Variants in SYNE1 observed in about 807,000 individuals in gnomAD.
SYNE1 encodes nesprin-1.
A neutral mutation model predicts 1,111.0 loss-of-function variants in SYNE1; 616 were observed. That is an observed-to-expected ratio of 0.55 (90% CI 0.52 to 0.59). The LOEUF is 0.59. Ranked by LOEUF, SYNE1 falls within the 20% of genes least tolerant of loss-of-function variation. SYNE1 has a pLI of 0.00. For synonymous variants in SYNE1, 3,855 were observed against 3,825.8 expected, an observed-to-expected ratio of 1.01 and a Z score of -0.28; for missense variants, 10,006 against 10,417.0, an observed-to-expected ratio of 0.96 and a Z score of 1.72.
intron 3 of SYNE1, among the ~76,000 whole-genome samples, chr6:152,610,333 G>A (rs1002571998): frequency 6.6e-6 from 1 of 152,146 alleles, no homozygotes. Context: ...CATGGCATGA[G>A]AACTTCGAGA....
At chr6:152,608,387 A>G (rs2099622102) in intron 3 of SYNE1, among the ~76,000 whole-genome samples, 1 of 152,202 alleles carries the variant, frequency 6.6e-6, no homozygotes, top group Non-Finnish European at 1.5e-5. Context: ...CTCTAATTAC[A>G]GGTAAATGTA....
chr6:152,493,103 A>C (rs368644496), intron 11 of SYNE1, among the ~76,000 whole-genome samples: 3 of 152,098 alleles, frequency 2.0e-5, no homozygotes, highest in East Asian at 3.9e-4. Context: ...TGAACCCACA[A>C]GTATGAGACA....
intron 11 of SYNE1, among the ~76,000 whole-genome samples, chr6:152,495,217 T>C (rs1158604413): frequency 3.9e-5 from 6 of 152,164 alleles, no homozygotes; most frequent in African/African-American, 1.2e-4. Context: ...GCAGATTGAC[T>C]TTACCCACAT....
chr6:152,243,236 T>C (rs563566492), intron 106 of SYNE1, among the ~76,000 whole-genome samples: 5 of 152,312 alleles, frequency 3.3e-5, no homozygotes, highest in African/African-American at 9.6e-5. Flanking sequence ...TCAGAGCAAT[T>C]GAATATAATA....
At chr6:152,312,132 T>C (rs1026406785) in intron 87 of SYNE1, among the ~76,000 whole-genome samples, 5 of 152,004 alleles carry the variant, frequency 3.3e-5, no homozygotes, top group African/African-American at 1.2e-4. Context: ...ACAATAAATG[T>C]TTATAAATAT....
rs1209337104 is a variant in SYNE1, at chr6:152,321,366, G to A, written c.16108C>T (p.His5370Tyr). ...LQILLTEATN[H>Y]RQNIEKMAEE... ...GCCATTTTTTCAATGTTCTGTCGGT[G>A]ATTTGTGGCTTCTGTTAGGAGAATC... The change falls in exon 84 of 146, where the codon CAC becomes TAC. Residue 5370 changes from histidine to tyrosine, a missense_variant. Transcript: ENST00000367255. 6.2e-7 allele frequency: 1 copy of A among 1,613,658 alleles called. No homozygotes were observed. The highest frequency in any genetic ancestry group is 1.3e-5 in the African/African-American group (1 of 74,904).
intron 3 of SYNE1, among the ~76,000 whole-genome samples, chr6:152,578,843 C>G (rs1582836540): frequency 6.6e-6 from 1 of 151,894 alleles, no homozygotes; most frequent in African/African-American, 2.4e-5. Flanking sequence ...ATTTCATTAA[C>G]TTTTTATTTT....
intron 8 of SYNE1, among the ~76,000 whole-genome samples, chr6:152,505,849 C>G (rs752123640): frequency 6.6e-6 from 1 of 152,096 alleles, no homozygotes; most frequent in African/African-American, 2.4e-5. Flanking sequence ...AGAGCTAACA[C>G]GTTTCTAATG....
intron 131 of SYNE1, among the ~76,000 whole-genome samples, chr6:152,156,951 C>T (rs563912600): frequency 6.6e-6 from 1 of 152,204 alleles, no homozygotes; most frequent in South Asian, 2.1e-4. Flanking sequence ...CCTCAGCCTC[C>T]CAAGTAGCTG....
intron 121 of SYNE1, among the ~76,000 whole-genome samples, chr6:152,215,901 C>CCA (rs1192291201): frequency 6.6e-6 from 1 of 152,172 alleles, no homozygotes; most frequent in Non-Finnish European, 1.5e-5. Flanking sequence ...TATGAAGTGA[C>CCA]CACACATTTT....
At chr6:152,399,860 A>G (rs777950532) in intron 47 of SYNE1, 37 bp from the exon 48 acceptor site, 24 of 1,601,486 alleles carry the variant, frequency 1.5e-5, no homozygotes, top group Non-Finnish European at 2.0e-5. Context: ...GATATTCATA[A>G]CTTGAGAGAA....
At chr6:152,397,645 T>G (rs73626698) in intron 49 of SYNE1, among the ~76,000 whole-genome samples, 1 of 152,306 alleles carries the variant, frequency 6.6e-6, no homozygotes, top group African/African-American at 2.4e-5. Context: ...CTAATGAATT[T>G]TCAACATCAT....
At position 152,300,660 on chromosome 6, in the gene SYNE1, G is replaced by C. The variant is rs2095120217; in HGVS notation, c.17663C>G (p.Thr5888Arg). Residue 5888 changes from threonine to arginine, a missense_variant, in exon 93 of 146, where the codon ACA (threonine) becomes AGA (arginine). Transcript: ENST00000367255. The stretch of plus-strand genomic sequence containing the variant: ...AGGTACCTGGTTAACAGAAGCATCT[G>C]TATTAGCCACAGGTGAAGGGGAGCG... Reference protein sequence around the residue: ...ACRSPSPVANTDASVNQDIAY... With the variant: ...ACRSPSPVANRDASVNQDIAY... The C allele has an allele frequency of 6.2e-7, 1 of 1,614,226 alleles. No homozygotes were observed. Among genetic ancestry groups the C allele is most frequent in the African/African-American group, 1.3e-5 (1 of 75,068 alleles).
intron 3 of SYNE1, among the ~76,000 whole-genome samples, chr6:152,612,228 A>G (rs530969236): frequency 1.3e-5 from 2 of 152,190 alleles, no homozygotes; most frequent in Admixed American, 6.5e-5. Flanking sequence ...TGAAAGGATC[A>G]ACAAAATTGA....
intron 28 of SYNE1, among the ~76,000 whole-genome samples, chr6:152,448,447 T>C (rs192809329): frequency 1.2e-4 from 18 of 152,202 alleles, no homozygotes; most frequent in African/African-American, 4.3e-4. Context: ...GAATTTTTTT[T>C]TGTGCGATGC....
At chr6:152,430,754 T>G (rs2098421141) in intron 34 of SYNE1, 45 bp from the exon 35 acceptor site, 2 of 1,552,046 alleles carry the variant, frequency 1.3e-6, no homozygotes, top group Non-Finnish European at 1.8e-6. Flanking sequence ...CTGAGCAAGC[T>G]TGCCTTCCTG....
At chr6:152,624,640 G>C (rs1165301468) in intron 3 of SYNE1, among the ~76,000 whole-genome samples, 1 of 152,066 alleles carries the variant, frequency 6.6e-6, no homozygotes, top group Admixed American at 6.6e-5. Flanking sequence ...TATTTAAATT[G>C]AGTAAAGTTC....
Position 152,381,010 on chromosome 6 carries a change from C to T in SYNE1, c.9005G>A (p.Gly3002Glu). ...GAAAACAGGAAGCCAACTTACTTGT[C>T]CTTTGTGCCAGCATTCCACTATCTC... ...DEEIVECWHK[G>E]QEILDALQKA... Residue 3002 changes from glycine to glutamate, a missense_variant, in exon 56 of 146, where the codon GGA becomes GAA. Gly to Glu is a moderately conservative substitution (Grantham distance 98, BLOSUM62 -2). Transcript: ENST00000367255. The T allele has an allele frequency of 6.2e-7, 1 of 1,614,008 alleles. No individual in the cohort carries two copies. Among genetic ancestry groups the T allele is most frequent in the Non-Finnish European group, 8.5e-7 (1 of 1,179,936 alleles).
chr6:152,184,406 C>T (rs974140921), intron 128 of SYNE1, among the ~76,000 whole-genome samples: 28 of 148,108 alleles, frequency 1.9e-4, no homozygotes, highest in African/African-American at 6.3e-4. Flanking sequence ...CACTGCACTC[C>T]AGCCTGGGCA....
Sources: allele counts gnomAD v4.1 joint callset (sites outside exome capture counted in the v4.1 genomes callset), GRCh38; gene constraint gnomAD v4.1.1; transcripts MANE v1.5; gene names NCBI Gene and HGNC (gene_info 2026-07-23, HGNC 2026-07-21).